PTPRQ: variants seen among roughly 807,000 people sequenced by gnomAD.
The protein encoded by PTPRQ is phosphatidylinositol phosphatase PTPRQ.
In PTPRQ, 199 loss-of-function variants were observed where a neutral mutation model predicts 246.0. The observed-to-expected ratio is 0.81, with a 90% confidence interval of 0.72 to 0.91. PTPRQ has a LOEUF of 0.91. PTPRQ is among the 40% of genes least tolerant of loss of function. The pLI is 0.00. For synonymous variants in PTPRQ, 869 were observed against 853.2 expected (o/e 1.02, Z -0.32); for missense variants, 2,624 against 2,528.4 (o/e 1.04, Z -0.81).
chr12:80,486,741 C>G (rs1820350013), intron 9 of PTPRQ, among the ~76,000 whole-genome samples: 3 of 152,174 alleles, frequency 2.0e-5, no homozygotes, highest in Admixed American at 1.3e-4. Flanking sequence ...GCCTCATTCC[C>G]CAACTCAAGA....
intron 25 of PTPRQ, among the ~76,000 whole-genome samples, chr12:80,561,924 T>C (rs1172764215): frequency 6.6e-6 from 1 of 152,210 alleles, no homozygotes; most frequent in Non-Finnish European, 1.5e-5. Flanking sequence ...AGGTTCCTCT[T>C]TATCGAGTTG....
chr12:80,479,841 C>G (rs1893969469), intron 8 of PTPRQ, among the ~76,000 whole-genome samples: 2 of 152,114 alleles, frequency 1.3e-5, no homozygotes, highest in Admixed American at 1.3e-4. Context: ...AATATATATG[C>G]ACCCAATACA....
At chr12:80,625,303 G>A (rs753496182) in intron 33 of PTPRQ, among the ~76,000 whole-genome samples, 18 of 151,514 alleles carry the variant, frequency 1.2e-4, no homozygotes, top group Non-Finnish European at 2.4e-4. Flanking sequence ...TTCCTGGTAA[G>A]CTGCTGAAGA....
At chr12:80,655,829 T>C (rs1900414394) in intron 38 of PTPRQ, among the ~76,000 whole-genome samples, 1 of 152,222 alleles carries the variant, frequency 6.6e-6, no homozygotes, top group Non-Finnish European at 1.5e-5. Flanking sequence ...ATGAAGTCCA[T>C]TGTTTCTCTC....
rs998153001 is a variant in PTPRQ at position 80,539,893 on chromosome 12, G to A, written c.3103G>A (p.Gly1035Arg). ...TTGGTTAACAGCAAGTACTTCAGTT[G>A]GAAATGGGAATAAAAGCAGTGACAT... The part of the protein sequence containing the change: ...TFWLTASTSV[G>R]NGNKSSDIIE... The change falls in exon 20 of 45, where the codon GGA becomes AGA. Residue 1035 changes from glycine (G) to arginine (R), a missense_variant. Gly to Arg is a moderately radical substitution (Grantham distance 125, BLOSUM62 -2). Coordinates refer to ENST00000644991, the MANE Select transcript of PTPRQ (RefSeq NM_001145026.2). 3 of 1,548,558 alleles carry A rather than the reference G, an allele frequency of 1.9e-6. No homozygotes were observed. Among genetic ancestry groups the A allele is most frequent in the Middle Eastern group, 1.7e-4 (1 of 5,926 alleles).
chr12:80,470,119 T>C (rs1454857973), intron 7 of PTPRQ, among the ~76,000 whole-genome samples: 1 of 152,122 alleles, frequency 6.6e-6, no homozygotes, highest in East Asian at 1.9e-4. Flanking sequence ...TGTTTGCTGA[T>C]GGAAATGAGG....
At chr12:80,611,865 T>C (rs1392925783) in intron 28 of PTPRQ, among the ~76,000 whole-genome samples, 1 of 150,424 alleles carries the variant, frequency 6.6e-6, no homozygotes, top group Non-Finnish European at 1.5e-5. Flanking sequence ...TGCAAAAATA[T>C]CTCTCTTGAA....
intron 25 of PTPRQ, among the ~76,000 whole-genome samples, chr12:80,556,780 T>G (rs1464958760): frequency 6.6e-6 from 1 of 152,162 alleles, no homozygotes. Flanking sequence ...TAGAGGAGAA[T>G]AAATAGGAAT....
intron 38 of PTPRQ, among the ~76,000 whole-genome samples, chr12:80,655,640 G>A (rs142778911): frequency 2.0e-5 from 3 of 151,178 alleles, no homozygotes; most frequent in African/African-American, 7.3e-5. Flanking sequence ...TCACACACAT[G>A]TACACACACA....
intron 17 of PTPRQ, among the ~76,000 whole-genome samples, chr12:80,533,446 C>A (rs1357090678): frequency 6.6e-6 from 1 of 151,872 alleles, no homozygotes; most frequent in African/African-American, 2.4e-5. Flanking sequence ...ATATTTTCTT[C>A]TTTCCTGTAT....
intron 9 of PTPRQ, 35 bp downstream of exon 9, chr12:80,484,640 T>G (rs987148620): frequency 6.5e-7 from 1 of 1,543,098 alleles, no homozygotes; most frequent in African/African-American, 1.4e-5. Context: ...TGGTGAACCC[T>G]TTCTGCTTGG....
chr12:80,497,489 C>T (rs181973926), intron 14 of PTPRQ, among the ~76,000 whole-genome samples: 10 of 152,142 alleles, frequency 6.6e-5, no homozygotes, highest in Admixed American at 5.2e-4. Flanking sequence ...CTGTGTGGCC[C>T]AGTTCCTAAC....
intron 1 of PTPRQ, 56 bp from the exon 2 acceptor site, chr12:80,444,685 G>T: frequency 7.8e-7 from 1 of 1,289,978 alleles, no homozygotes; most frequent in East Asian, 2.6e-5. Flanking sequence ...ATTTATTTTA[G>T]CTTGCTTGCT....
intron 3 of PTPRQ, among the ~76,000 whole-genome samples, chr12:80,446,572 A>G (rs1272047251): frequency 6.6e-6 from 1 of 151,702 alleles, no homozygotes; most frequent in East Asian, 1.9e-4. Flanking sequence ...TAATTTTTCA[A>G]TCCTCACCCT....
intron 41 of PTPRQ, 87 bp from the exon 42 acceptor site, chr12:80,670,257 C>G (rs549019924): frequency 6.7e-7 from 1 of 1,491,468 alleles, no homozygotes; most frequent in Admixed American, 2.4e-5. Flanking sequence ...TTTAAAAGAT[C>G]ACCTTCAAAA....
intron 12 of PTPRQ, 55 bp from the exon 13 acceptor site, chr12:80,495,944 A>G: frequency 6.6e-7 from 1 of 1,517,156 alleles, no homozygotes; most frequent in Admixed American, 2.4e-5. Flanking sequence ...AAATGGCACC[A>G]ATCCCAAGAG....
rs891744908 is a variant in PTPRQ at position 80,588,138 on chromosome 12, T to A, written c.4295T>A (p.Val1432Asp). The A allele has an allele frequency of 1.3e-5, 20 of 1,524,846 alleles. No individual in the cohort carries two copies. Among genetic ancestry groups the A allele is most frequent in the Non-Finnish European group, 1.8e-5 (20 of 1,133,806 alleles). 94.5% of individuals were successfully genotyped at this position (1,524,846 alleles called of 1,614,324 possible). Residue 1432 changes from valine (V) to aspartate (D), a missense_variant, in exon 26 of 45, where the codon GTT becomes GAT. Transcript: ENST00000644991. Reference sequence around the variant, plus strand: ...TCCCTTTAATTTTTAGTTCCCAGTGTTCCCACAAATATTGCTTTTTCTGAT... The same window carrying A: ...TCCCTTTAATTTTTAGTTCCCAGTGATCCCACAAATATTGCTTTTTCTGAT... ...VSTLPETVPS[V>D]PTNIAFSDVQ... is the part of the protein sequence containing the mutation.
chr12:80,584,745 G>A (rs762869465), intron 25 of PTPRQ, among the ~76,000 whole-genome samples: 4 of 152,072 alleles, frequency 2.6e-5, no homozygotes, highest in African/African-American at 4.8e-5. Context: ...GAACACCCAC[G>A]TCAATCAAAT....
intron 3 of PTPRQ, among the ~76,000 whole-genome samples, chr12:80,449,550 G>A (rs1283449384): frequency 1.3e-5 from 2 of 151,934 alleles, no homozygotes; most frequent in Non-Finnish European, 2.9e-5. Context: ...ATTGATTTTT[G>A]TATAAGGTGT....
Sources: gnomAD v4.1 joint callset for allele counts (sites outside exome capture counted in the v4.1 genomes callset) on GRCh38, gnomAD v4.1.1 for gene constraint, MANE v1.5 for transcripts, NCBI Gene and HGNC (gene_info 2026-07-23, HGNC 2026-07-21) for gene names.